AGPS: variants seen among roughly 807,000 people sequenced by gnomAD.
AGPS encodes the protein alkyldihydroxyacetonephosphate synthase, peroxisomal.
AGPS carries 26 observed loss-of-function variants against 90.7 expected under a neutral mutation model. The observed-to-expected ratio is 0.29, with a 90% confidence interval of 0.21 to 0.40. AGPS has a LOEUF of 0.40. AGPS is among the 10% of genes least tolerant of loss of function. The pLI is 1.00. For synonymous variants in AGPS, 294 were observed against 285.3 expected (o/e 1.03, Z -0.31); for missense variants, 540 against 816.1 (o/e 0.66, Z 4.12).
rs566553387 is a variant in AGPS at position 177,456,618 on chromosome 2, T to C, written c.871-5275T>C. 3.9e-5 allele frequency among the ~76,000 whole-genome samples: 6 copies of C among 152,334 alleles called. No individual in the cohort carries two copies. In the South Asian group the frequency reaches 1.2e-3, roughly 32 times the overall value. On this transcript the variant is annotated intron_variant, in intron 8 of 19. Coordinates refer to ENST00000264167, the MANE Select transcript of AGPS (RefSeq NM_003659.4). ...GAACATCTGGTTTTTTTGGTATCTG[T>C]ATCTTTTGCTTTACACAATTCCTGG...
intron 18 of AGPS, among the ~76,000 whole-genome samples, chr2:177,522,790 T>G (rs1689238091): frequency 6.6e-6 from 1 of 152,168 alleles, no homozygotes; most frequent in South Asian, 2.1e-4. Context: ...TGGGATGTGG[T>G]CCGTCTGTCC....
chr2:177,414,282 C>T (rs1262475499), intron 1 of AGPS, among the ~76,000 whole-genome samples: 2 of 152,100 alleles, frequency 1.3e-5, no homozygotes, highest in African/African-American at 4.8e-5. Flanking sequence ...TCATGGCTCA[C>T]TGCAACCTTG....
At chr2:177,526,227 CTTTT>C (rs749224337) in intron 19 of AGPS, among the ~76,000 whole-genome samples, 1 of 124,322 alleles carries the variant, frequency 8.0e-6, no homozygotes, top group Non-Finnish European at 1.7e-5. Flanking sequence ...AGCTTCTTGT[CTTTT>C]TTTTTTTTTT....
intron 1 of AGPS, among the ~76,000 whole-genome samples, chr2:177,403,892 C>G (rs889559689): frequency 7.2e-5 from 11 of 152,230 alleles, no homozygotes; most frequent in Admixed American, 7.2e-4. Context: ...CAGTGTTTCC[C>G]TATTATAGAG....
At position 177,412,929 on chromosome 2, in the gene AGPS, A is replaced by G. The variant is rs572794246; in HGVS notation, c.261-7340A>G. 3.9e-5 allele frequency among the ~76,000 whole-genome samples: 6 copies of G among 152,270 alleles called. No homozygotes were observed. In the East Asian group the frequency reaches 7.7e-4, roughly 20 times the overall value. On this transcript the variant is annotated intron_variant, in intron 1 of 19. Coordinates refer to ENST00000264167, the MANE Select transcript of AGPS (RefSeq NM_003659.4). ...GCCTTTAGCCCGATCGGGAGTGGCAATGGGTGCCTCGCTGGATCAGGAGCA... is the reference window on the plus strand; with the variant it reads ...GCCTTTAGCCCGATCGGGAGTGGCAGTGGGTGCCTCGCTGGATCAGGAGCA...
intron 14 of AGPS, among the ~76,000 whole-genome samples, chr2:177,503,782 C>G (rs999411505): frequency 1.3e-5 from 2 of 152,182 alleles, no homozygotes; most frequent in Admixed American, 1.3e-4. Flanking sequence ...CCTTGTAAAG[C>G]CCAGACTGAC....
intron 11 of AGPS, among the ~76,000 whole-genome samples, chr2:177,489,808 G>A (rs1345540513): frequency 6.6e-6 from 1 of 152,154 alleles, no homozygotes; most frequent in South Asian, 2.1e-4. Context: ...TTCTGTCTGA[G>A]TATTCTTGAA....
At chr2:177,457,136 G>A (rs1326972622) in intron 8 of AGPS, among the ~76,000 whole-genome samples, 9 of 152,204 alleles carry the variant, frequency 5.9e-5, no homozygotes, top group African/African-American at 2.2e-4. Flanking sequence ...GATGTTCTTT[G>A]AAACCAGTGA....
At chr2:177,435,656 A>G (rs1311749477) in intron 3 of AGPS, among the ~76,000 whole-genome samples, 1 of 152,158 alleles carries the variant, frequency 6.6e-6, no homozygotes, top group African/African-American at 2.4e-5. Flanking sequence ...GTAAGTATTT[A>G]TTATGCAGTA....
intron 2 of AGPS, among the ~76,000 whole-genome samples, chr2:177,430,302 C>T (rs948821301): frequency 1.3e-5 from 2 of 152,196 alleles, no homozygotes; most frequent in Admixed American, 6.5e-5. Flanking sequence ...GGAAGTGTGG[C>T]CTGCAGAACA....
intron 5 of AGPS, among the ~76,000 whole-genome samples, chr2:177,440,029 T>G (rs565057128): frequency 6.6e-6 from 1 of 152,260 alleles, no homozygotes; most frequent in South Asian, 2.1e-4. Flanking sequence ...TTGTGCAATA[T>G]TGTAAACATT....
At chr2:177,445,862 A>G (rs1352049931) in intron 8 of AGPS, among the ~76,000 whole-genome samples, 1 of 152,206 alleles carries the variant, frequency 6.6e-6, no homozygotes, top group Non-Finnish European at 1.5e-5. Context: ...GGTAGCTTAG[A>G]TTAGGACAGA....
intron 1 of AGPS, among the ~76,000 whole-genome samples, chr2:177,399,967 A>T (rs1312932266): frequency 3.3e-5 from 5 of 152,184 alleles, no homozygotes; most frequent in Non-Finnish European, 7.4e-5. Context: ...TCCATTGGGT[A>T]GATATATACC....
chr2:177,492,364 T>C (rs2105704651), intron 11 of AGPS, among the ~76,000 whole-genome samples: 1 of 152,308 alleles, frequency 6.6e-6, no homozygotes, highest in Non-Finnish European at 1.5e-5. Flanking sequence ...TATATTTTAT[T>C]AGAAGTCAAT....
chr2:177,456,039 A>G (rs115421752), intron 8 of AGPS, among the ~76,000 whole-genome samples: 118 of 152,274 alleles, frequency 7.7e-4, no homozygotes, highest in Non-Finnish European at 1.5e-3. Context: ...AGAAATCTTG[A>G]GTCAGACATG....
chr2:177,398,080 T>G (rs1471218326), intron 1 of AGPS, among the ~76,000 whole-genome samples: 1 of 152,130 alleles, frequency 6.6e-6, no homozygotes, highest in African/African-American at 2.4e-5. Context: ...TGCCGGAAGC[T>G]TTGGTAGATA....
chr2:177,433,207 C>A (rs924362117), intron 2 of AGPS, among the ~76,000 whole-genome samples: 2 of 151,838 alleles, frequency 1.3e-5, no homozygotes, highest in Non-Finnish European at 2.9e-5. Flanking sequence ...AAACAATAAC[C>A]CAGGAGGAAA....
intron 1 of AGPS, among the ~76,000 whole-genome samples, chr2:177,404,548 T>G (rs1048078890): frequency 6.6e-6 from 1 of 152,180 alleles, no homozygotes; most frequent in Admixed American, 6.5e-5. Context: ...ACCATCCACC[T>G]AGATTCTACT....
chr2:177,493,248 A>G (rs781419770), intron 12 of AGPS, 49 bp downstream of exon 12: 5 of 1,495,118 alleles, frequency 3.3e-6, no homozygotes, highest in Non-Finnish European at 3.7e-6. Context: ...ACAGAAATTT[A>G]TGAAACATCA....
Sources: allele counts gnomAD v4.1 joint callset (sites outside exome capture counted in the v4.1 genomes callset), GRCh38; gene constraint gnomAD v4.1.1; transcripts MANE v1.5; gene names NCBI Gene and HGNC (gene_info 2026-07-23, HGNC 2026-07-21).